Variants in CNTN4 observed in about 807,000 individuals in gnomAD.
The protein encoded by CNTN4 is contactin 4, also known as contactin-4.
Under a neutral mutation model 122.5 loss-of-function variants are expected in CNTN4, and 77 were observed. The observed-to-expected ratio is 0.63, with a 90% CI of 0.52 to 0.76. CNTN4 has a LOEUF of 0.76. CNTN4 is among the 30% of genes least tolerant of loss of function. The pLI, the probability that CNTN4 is intolerant of heterozygous loss-of-function variation, is 0.00. For missense variants in CNTN4, 1,256 were observed against 1,259.1 expected, an observed-to-expected ratio of 1.00 and a Z score of 0.04; for synonymous variants, 512 against 447.0, an observed-to-expected ratio of 1.15 and a Z score of -1.83.
At chr3:2,185,891 A>G (rs1391522334) in intron 2 of CNTN4, among the ~76,000 whole-genome samples, 1 of 151,920 alleles carries the variant, frequency 6.6e-6, no homozygotes, top group African/African-American at 2.4e-5. Context: ...ATATCCTTGG[A>G]ACCATTGGTC....
Position 2,596,263 on chromosome 3 carries a change from C to T in CNTN4, c.55+24705C>T, listed in dbSNP as rs73805346. On this transcript the variant is annotated intron_variant, in intron 4 of 24. Transcript: ENST00000418658. Reference sequence around the variant, plus strand: ...GTGAGGGAAGCATATTGAATCATAACCTAATTCCTACAAACATTGATTTAC... The same window carrying T: ...GTGAGGGAAGCATATTGAATCATAATCTAATTCCTACAAACATTGATTTAC... Among the ~76,000 whole-genome samples, 1,379 of 152,192 alleles carry T rather than the reference C, an allele frequency of 9.1e-3. 28 individuals carry two copies. The highest frequency in any genetic ancestry group is 0.032 in the African/African-American group (1,317 of 41,520).
chr3:2,858,985 G>C (rs1053952929), intron 7 of CNTN4, among the ~76,000 whole-genome samples: 2 of 152,138 alleles, frequency 1.3e-5, no homozygotes, highest in Non-Finnish European at 1.5e-5. Flanking sequence ...TCACCATGTT[G>C]TACAATAGCT....
chr3:2,302,292 G>A (rs2042553472), intron 2 of CNTN4, among the ~76,000 whole-genome samples: 1 of 152,164 alleles, frequency 6.6e-6, no homozygotes, highest in Non-Finnish European at 1.5e-5. Context: ...AGCCGGCATG[G>A]TGGTGCACAC....
At chr3:2,639,257 A>G (rs2082797833) in intron 4 of CNTN4, among the ~76,000 whole-genome samples, 1 of 151,872 alleles carries the variant, frequency 6.6e-6, no homozygotes, top group Non-Finnish European at 1.5e-5. Flanking sequence ...ATTCTATTCT[A>G]TGATATTTTC....
At chr3:2,434,144 A>G (rs1294424731) in intron 3 of CNTN4, among the ~76,000 whole-genome samples, 2 of 152,210 alleles carry the variant, frequency 1.3e-5, no homozygotes, top group East Asian at 1.9e-4. Flanking sequence ...ATTGCTGAGT[A>G]AATTTTAAAT....
chr3:2,409,237 ATCTTT>A (rs1314222062), intron 3 of CNTN4, among the ~76,000 whole-genome samples: 1 of 147,746 alleles, frequency 6.8e-6, no homozygotes, highest in Non-Finnish European at 1.5e-5. Flanking sequence ...ATTTCTAGGT[ATCTTT>A]TCTTTTCTTT....
At chr3:2,402,846 G>A (rs1156231073) in intron 3 of CNTN4, among the ~76,000 whole-genome samples, 1 of 152,062 alleles carries the variant, frequency 6.6e-6, no homozygotes, top group Non-Finnish European at 1.5e-5. Flanking sequence ...CTTTAAGCAG[G>A]TTATACCTTA....
At chr3:2,919,353 GAAAAAAAAAA>G (rs200119254) in intron 12 of CNTN4, among the ~76,000 whole-genome samples, 1 of 108,490 alleles carries the variant, frequency 9.2e-6, no homozygotes, top group African/African-American at 3.5e-5. Flanking sequence ...CTCTGTCTCA[GAAAAAAAAAA>G]AAAAAAAAAA....
chr3:2,356,572 C>G (rs2044882145), intron 3 of CNTN4, among the ~76,000 whole-genome samples: 1 of 152,166 alleles, frequency 6.6e-6, no homozygotes, highest in African/African-American at 2.4e-5. Flanking sequence ...GGATTTCAGC[C>G]AGCTTCTTTA....
chr3:2,154,507 A>G (rs1175429202), intron 2 of CNTN4, among the ~76,000 whole-genome samples: 2 of 152,204 alleles, frequency 1.3e-5, no homozygotes, highest in African/African-American at 2.4e-5. Context: ...GGTTTCTGGC[A>G]TAATATCCTT....
intron 4 of CNTN4, among the ~76,000 whole-genome samples, chr3:2,732,169 C>T (rs1266012523): frequency 2.6e-5 from 4 of 152,086 alleles, no homozygotes; most frequent in East Asian, 1.9e-4. Context: ...GGTCTAAAAC[C>T]GGTGTTGGCC....
intron 3 of CNTN4, among the ~76,000 whole-genome samples, chr3:2,488,495 G>A (rs552083292): frequency 1.3e-5 from 2 of 152,256 alleles, no homozygotes; most frequent in African/African-American, 4.8e-5. Context: ...CCTCTCCAGG[G>A]TTGGTTCCTG....
intron 2 of CNTN4, chr3:2,239,203 G>T (rs2039827113): frequency 6.6e-6 from 1 of 152,114 alleles, no homozygotes; most frequent in Non-Finnish European, 1.5e-5. Context: ...TGGTAATTCT[G>T]TGTTAATAAT....
At chr3:2,225,918 C>G (rs1002110615) in intron 2 of CNTN4, among the ~76,000 whole-genome samples, 1 of 152,118 alleles carries the variant, frequency 6.6e-6, no homozygotes. Context: ...GTACAAGGAT[C>G]TGGATTCTGC....
intron 5 of CNTN4, among the ~76,000 whole-genome samples, chr3:2,738,783 A>T (rs975670074): frequency 6.6e-6 from 1 of 152,140 alleles, no homozygotes; most frequent in Non-Finnish European, 1.5e-5. Context: ...AGAAGACCTA[A>T]ATGGGAAATT....
intron 3 of CNTN4, among the ~76,000 whole-genome samples, chr3:2,414,316 T>C (rs761133043): frequency 6.6e-6 from 1 of 152,202 alleles, no homozygotes; most frequent in Non-Finnish European, 1.5e-5. Flanking sequence ...ATTTAGCATA[T>C]TGCGTGCGCT....
chr3:2,505,447 C>T (rs1254539586), intron 3 of CNTN4, among the ~76,000 whole-genome samples: 1 of 152,070 alleles, frequency 6.6e-6, no homozygotes, highest in Non-Finnish European at 1.5e-5. Flanking sequence ...TTCTATAGTC[C>T]TATCCAAACT....
chr3:2,469,688 G>A (rs1320594387), intron 3 of CNTN4, among the ~76,000 whole-genome samples: 1 of 152,148 alleles, frequency 6.6e-6, no homozygotes, highest in Non-Finnish European at 1.5e-5. Context: ...ATAGAAGCTA[G>A]AGGTACATTG....
At chr3:2,916,197 C>A (rs540307555) in intron 12 of CNTN4, among the ~76,000 whole-genome samples, 1 of 151,272 alleles carries the variant, frequency 6.6e-6, no homozygotes, top group South Asian at 2.1e-4. Context: ...TTTTCTTTTT[C>A]TTTTTTTCAA....
Sources: allele counts gnomAD v4.1 joint callset (sites outside exome capture counted in the v4.1 genomes callset), GRCh38; gene constraint gnomAD v4.1.1; transcripts MANE v1.5; gene names NCBI Gene and HGNC (gene_info 2026-07-23, HGNC 2026-07-21).